The following ZNF800 variants were observed in gnomAD, a reference collection of about 807,000 sequenced individuals.
ZNF800 encodes zinc finger protein 800.
Under a neutral mutation model 59.5 loss-of-function variants are expected in ZNF800, and 13 were observed. The ratio of observed to expected loss-of-function variants is 0.22; its 90% CI spans 0.14 to 0.35. ZNF800 has a LOEUF of 0.35. Among genes scored for constraint, ZNF800 ranks in the 10% least tolerant of loss-of-function variants. The pLI is 1.00. For synonymous variants in ZNF800, 266 were observed against 265.7 expected (o/e 1.00, Z -0.01); for missense variants, 621 against 783.7 (o/e 0.79, Z 2.48).
intron 2 of ZNF800, among the ~76,000 whole-genome samples, chr7:127,387,620 G>A (rs1801177044): frequency 6.6e-6 from 1 of 152,076 alleles, no homozygotes; most frequent in Admixed American, 6.6e-5. Flanking sequence ...CAGCACTTTG[G>A]GAGGCCAAGG....
At position 127,364,010 on chromosome 7, in the gene ZNF800, T is replaced by C. The variant is rs988372453; in HGVS notation, n.224+9332A>G. The C allele has an allele frequency of 2.0e-5, 3 of 152,120 alleles. No homozygotes were observed. In the East Asian group the frequency reaches 5.8e-4, roughly 29 times the overall value. The allele number at this position is 152,120 out of a possible 1,614,324, so 9.4% of individuals were successfully genotyped here. Reference sequence around the variant, plus strand: ...TTGAAGTTTGCTGAGCTTTATGTAATTGTATATTTCTATCTCATTAGAAGA... The same window carrying C: ...TTGAAGTTTGCTGAGCTTTATGTAACTGTATATTTCTATCTCATTAGAAGA... On this transcript the variant is annotated intron_variant and non_coding_transcript_variant, in intron 1 of 1. Coordinates refer to the ZNF800 transcript ENST00000485577.
chr7:127,352,350 G>A (rs1030420901), intron 1 of ZNF800, among the ~76,000 whole-genome samples: 1 of 152,018 alleles, frequency 6.6e-6, no homozygotes, highest in African/African-American at 2.4e-5. Context: ...AATTCTAATA[G>A]AAAAAAAGTA....
intron 3 of ZNF800, among the ~76,000 whole-genome samples, chr7:127,384,527 C>T (rs1745388386): frequency 6.6e-6 from 1 of 151,952 alleles, no homozygotes; most frequent in African/African-American, 2.4e-5. Context: ...AGCCACCGCG[C>T]CCAGCCTAAT....
exon 2 of ZNF800, chr7:127,347,423 T>TG (rs1440993467): frequency 2.6e-5 from 4 of 151,978 alleles, no homozygotes; most frequent in African/African-American, 9.7e-5. Context: ...AGTTTGTCGA[T>TG]GCCAGGATTT....
rs77830386 is a variant in ZNF800, at chr7:127,349,461, A to G, written n.225-1418T>C. Among the ~76,000 whole-genome samples, 976 of 152,312 alleles carry G rather than the reference A, an allele frequency of 6.4e-3. 13 individuals carry two copies. The highest frequency in any genetic ancestry group is 0.018 in the African/African-American group (742 of 41,578). ...AGAAGATCCTCTGTAAGTTTCAGAT[A>G]TATTTTAAGCTGAAGTGAGCTCAGA... On this transcript the variant is annotated intron_variant and non_coding_transcript_variant, in intron 1 of 1. Coordinates refer to the ZNF800 transcript ENST00000485577.
In ZNF800 at chr7:127,370,313, A is replaced by T. The variant is rs1262906197; in HGVS notation, c.*1501T>A. ...ATAAGTTTAAATTTGATAATAAAAC[A>T]TTTAAGTTTCAACCAATGCACCTTT... On this transcript the variant is annotated 3_prime_UTR_variant, in exon 6 of 6. Coordinates refer to ENST00000265827, the MANE Select transcript of ZNF800 (RefSeq NM_176814.5). The T allele has an allele frequency of 1.0e-4, 16 of 152,592 alleles. No homozygotes were observed. The highest frequency in any genetic ancestry group is 5.9e-5 in the Non-Finnish European group (4 of 68,002). 9.5% of individuals were successfully genotyped at this position (152,592 alleles called of 1,614,324 possible). A position where few individuals can be genotyped will look rare whatever the true frequency, so the allele number is the denominator to read the frequency against.
At chr7:127,348,354 G>T (rs1036115378) in intron 1 of ZNF800, among the ~76,000 whole-genome samples, 5 of 144,920 alleles carry the variant, frequency 3.5e-5, no homozygotes, top group African/African-American at 1.3e-4. Context: ...GAATAATTAT[G>T]AATACCTACA....
intron 3 of ZNF800, among the ~76,000 whole-genome samples, chr7:127,384,962 A>G (rs753563960): frequency 6.6e-6 from 1 of 152,222 alleles, no homozygotes; most frequent in African/African-American, 2.4e-5. Flanking sequence ...TAAATTAAAT[A>G]CAGATAAAAG....
rs112291396 is a variant in ZNF800 at position 127,377,205 on chromosome 7, T to C, written c.282A>G (p.Pro94=). Residue 94 remains proline, a synonymous_variant, in exon 4 of 6, where the codon CCA becomes CCG. Transcript: ENST00000265827. This position sits in a 1 kb window ranked among gnomAD's most constrained non-coding sequence, Gnocchi z 4.7. ...ACTTACTGTCATCCATCTGGAGACT[T>C]GGTGGGCAGTAGAATTTTTTATGGG... The part of the protein sequence containing the change: ...LITHKKFYCP[P]SLQMDDNLPD... 6.2e-7 allele frequency: 1 copy of C among 1,611,644 alleles called. No homozygotes were observed. The highest frequency in any genetic ancestry group is 1.1e-5 in the South Asian group (1 of 90,682).
chr7:127,380,284 C>T (rs1276168308), intron 3 of ZNF800, among the ~76,000 whole-genome samples: 1 of 152,036 alleles, frequency 6.6e-6, no homozygotes, highest in Non-Finnish European at 1.5e-5. Flanking sequence ...CACCGCTACC[C>T]CAGCTCTCAG....
In ZNF800 at chr7:127,371,616, G is replaced by A; in HGVS notation, c.*198C>T. 2 of 461,106 alleles carry A rather than the reference G, an allele frequency of 4.3e-6. No individual in the cohort carries two copies. The highest frequency in any genetic ancestry group is 3.5e-5 in the East Asian group (1 of 28,698). The allele number at this position is 461,106 out of a possible 1,614,324, so 28.6% of individuals were successfully genotyped here. On this transcript the variant is annotated 3_prime_UTR_variant, in exon 6 of 6. Coordinates refer to ENST00000265827, the MANE Select transcript of ZNF800 (RefSeq NM_176814.5). The stretch of plus-strand genomic sequence containing the variant: ...AATATCACAGCTACTTGAAAGTGCT[G>A]GAATAGGCAGTGCCTTAGAAACAAG...
intron 3 of ZNF800, among the ~76,000 whole-genome samples, chr7:127,379,833 GC>G (rs1184865878): frequency 7.9e-5 from 1 of 12,710 alleles, no homozygotes; most frequent in African/African-American, 3.3e-4. Context: ...CCTTACCCTT[GC>G]CACCCCCCCA....
rs576704416 is a variant in ZNF800 at position 127,386,073 on chromosome 7, C to T, written c.144G>A (p.Glu48=). ...TSKSGIQQII[E]CFRSGTKQLK... is the part of the protein sequence containing the mutation. ...AAACATTCATACCTGATCGAAAGCACTCAATTATTTGTTGAATACCAGATT... is the reference window on the plus strand; with the variant it reads ...AAACATTCATACCTGATCGAAAGCATTCAATTATTTGTTGAATACCAGATT... The change falls in exon 3 of 6, where the codon GAG becomes GAA. Residue 48 remains glutamate, a synonymous_variant. Transcript: ENST00000265827. The T allele has an allele frequency of 3.1e-6, 5 of 1,610,468 alleles. No individual in the cohort carries two copies. The Admixed American group carries it at 8.4e-5, about 27-fold the overall frequency.
At chr7:127,379,860 C>CCCCCCCCCCA in intron 3 of ZNF800, among the ~76,000 whole-genome samples, 1 of 73,786 alleles carries the variant, frequency 1.4e-5, no homozygotes, top group East Asian at 4.5e-4. Context: ...CCACCCCCCC[C>CCCCCCCCCCA]ACACACACAC....
At chr7:127,366,429 C>CA (rs1451022592), downstream of ZNF800, among the ~76,000 whole-genome samples, 1 of 152,080 alleles carries the variant, frequency 6.6e-6, no homozygotes, top group Non-Finnish European at 1.5e-5. Context: ...TATGCTGCTA[C>CA]AAAAAATGTA....
intron 3 of ZNF800, among the ~76,000 whole-genome samples, chr7:127,378,985 T>C (rs17867840): frequency 0.13 from 20,531 of 152,112 alleles, 1,661 homozygotes; most frequent in Middle Eastern, 0.22. Flanking sequence ...AGGGAAATTA[T>C]ATACTTGAGT....
intron 4 of ZNF800, among the ~76,000 whole-genome samples, chr7:127,375,613 C>G (rs1037726467): frequency 6.6e-6 from 1 of 152,032 alleles, no homozygotes; most frequent in African/African-American, 2.4e-5. Context: ...AGTCCTATTA[C>G]ATGTCTTCTT....
intron 2 of ZNF800, among the ~76,000 whole-genome samples, chr7:127,390,203 G>A (rs562094929): frequency 1.3e-5 from 2 of 152,178 alleles, no homozygotes; most frequent in East Asian, 1.9e-4. Context: ...AAAGGTCAGT[G>A]GAACATGAGT....
Position 127,373,364 on chromosome 7 carries a change from T to C in ZNF800, c.1972A>G (p.Thr658Ala), listed in dbSNP as rs540077251. ...PEGNKTKGRS[T>A]RSKALV ...CACCAGACAAGAGCCTTAGATCTTG[T>C]ACTTCGGCCTTTGGTTTTGTTTCCT... Residue 658 changes from threonine to alanine, a missense_variant, in exon 5 of 6, where the codon ACA becomes GCA. Transcript: ENST00000265827. 4 of 1,606,256 alleles carry C rather than the reference T, an allele frequency of 2.5e-6. No homozygotes were observed. In the African/African-American group the frequency reaches 5.4e-5, roughly 22 times the overall value.
Sources: gnomAD v4.1 joint callset for allele counts (sites outside exome capture counted in the v4.1 genomes callset) on GRCh38, gnomAD v4.1.1 for gene constraint, Gnocchi (gnomAD v3.1) non-coding constraint, MANE v1.5 for transcripts, NCBI Gene and HGNC (gene_info 2026-07-23, HGNC 2026-07-21) for gene names.